The following KIF16B variants were observed in gnomAD, a reference collection of about 807,000 sequenced individuals.
KIF16B encodes the protein kinesin-like protein KIF16B.
A neutral mutation model predicts 156.3 loss-of-function variants in KIF16B; 98 were observed. The ratio of observed to expected loss-of-function variants is 0.63; its 90% CI spans 0.53 to 0.74. KIF16B has a LOEUF of 0.74. Ranked by LOEUF, KIF16B falls within the 30% of genes least tolerant of loss-of-function variation. The pLI, the probability that KIF16B is intolerant of heterozygous loss-of-function variation, is 0.00. For missense variants in KIF16B, 1,421 were observed against 1,606.5 expected (o/e 0.88, Z 1.97); for synonymous variants, 564 against 583.7 (o/e 0.97, Z 0.49).
chr20:16,308,141 G>A (rs1227506653), intron 25 of KIF16B, among the ~76,000 whole-genome samples: 1 of 152,164 alleles, frequency 6.6e-6, no homozygotes, highest in African/African-American at 2.4e-5. Flanking sequence ...CAGAGATTCA[G>A]AAACTTTTAT....
intron 12 of KIF16B, among the ~76,000 whole-genome samples, chr20:16,431,819 T>C (rs2066507552): frequency 1.3e-5 from 2 of 151,528 alleles, no homozygotes; most frequent in African/African-American, 4.9e-5. Flanking sequence ...ACCACCAATG[T>C]TCCTCATGGT....
intron 12 of KIF16B, among the ~76,000 whole-genome samples, chr20:16,447,597 G>A (rs1233615947): frequency 6.6e-6 from 1 of 151,848 alleles, no homozygotes; most frequent in Non-Finnish European, 1.5e-5. Context: ...AACAAAGTAA[G>A]ATCCTGTCTC....
chr20:16,515,709 T>G (rs1460952657), intron 3 of KIF16B, 45 bp from the exon 4 acceptor site: 7 of 1,053,116 alleles, frequency 6.6e-6, no homozygotes, highest in Middle Eastern at 2.0e-4. Flanking sequence ...TATCATAGAT[T>G]TTAATAATAG....
chr20:16,504,379 C>T lies in KIF16B; in HGVS notation c.1169G>A (p.Gly390Glu). ...ATCTCAGAAAAACCCAACCTGATTCCCTTGAGCAAGCAGCGTTTTCAGTCT... is the reference window on the plus strand; with the variant it reads ...ATCTCAGAAAAACCCAACCTGATTCTCTTGAGCAAGCAGCGTTTTCAGTCT... ...IARLKTLLAQ[G>E]NQIALLDSPT... Residue 390 changes from glycine to glutamate, a missense_variant, in exon 10 of 26, where the codon GGG (glycine) becomes GAG (glutamate). Physicochemically the swap from Gly to Glu is moderately conservative, Grantham distance 98. Coordinates refer to ENST00000354981, the MANE Select transcript of KIF16B (RefSeq NM_024704.5). 1 of 1,613,866 alleles carries T rather than the reference C, an allele frequency of 6.2e-7. No individual in the cohort carries two copies. Among genetic ancestry groups the T allele is most frequent in the Non-Finnish European group, 8.5e-7 (1 of 1,179,870 alleles).
chr20:16,334,322 A>C (rs1444851909), intron 24 of KIF16B, among the ~76,000 whole-genome samples: 1 of 152,258 alleles, frequency 6.6e-6, no homozygotes, highest in Non-Finnish European at 1.5e-5. Flanking sequence ...CTTTAAAAAC[A>C]AGCTGCTCTG....
At chr20:16,422,761 A>T (rs955740949) in intron 15 of KIF16B, among the ~76,000 whole-genome samples, 1 of 152,164 alleles carries the variant, frequency 6.6e-6, no homozygotes, top group Admixed American at 6.5e-5. Flanking sequence ...ATGATAATTC[A>T]AACACAAGAG....
At chr20:16,371,783 G>A (rs773248482) in intron 20 of KIF16B, 22 bp from the exon 21 acceptor site, 1 of 1,531,838 alleles carries the variant, frequency 6.5e-7, no homozygotes, top group Non-Finnish European at 9.0e-7. Flanking sequence ...TGGAGATGGA[G>A]TAGATCTGAC....
At chr20:16,428,111 G>A (rs1339387396) in intron 14 of KIF16B, among the ~76,000 whole-genome samples, 2 of 152,094 alleles carry the variant, frequency 1.3e-5, no homozygotes, top group African/African-American at 4.8e-5. Context: ...CCAAACATAG[G>A]TGAATCTGGG....
At chr20:16,291,440 T>C (rs1429636183) in intron 25 of KIF16B, among the ~76,000 whole-genome samples, 2 of 152,236 alleles carry the variant, frequency 1.3e-5, no homozygotes, top group Non-Finnish European at 2.9e-5. Context: ...AAACACCAAA[T>C]GAGCCTGAAA....
intron 17 of KIF16B, among the ~76,000 whole-genome samples, chr20:16,392,535 A>G (rs1276353377): frequency 6.6e-6 from 1 of 152,216 alleles, no homozygotes; most frequent in Non-Finnish European, 1.5e-5. Flanking sequence ...ATGACGATAC[A>G]CTGTTGAAGT....
At chr20:16,364,725 C>G (rs2064623717) in intron 22 of KIF16B, among the ~76,000 whole-genome samples, 1 of 152,228 alleles carries the variant, frequency 6.6e-6, no homozygotes, top group Admixed American at 6.5e-5. Flanking sequence ...ACAAAGTATG[C>G]TTAGGTGAGA....
At chr20:16,361,918 T>C (rs2064559285) in intron 22 of KIF16B, among the ~76,000 whole-genome samples, 1 of 152,220 alleles carries the variant, frequency 6.6e-6, no homozygotes, top group African/African-American at 2.4e-5. Context: ...ATTAAAAGTG[T>C]CACTATTTTT....
At chr20:16,285,270 T>G (rs913379440) in intron 25 of KIF16B, among the ~76,000 whole-genome samples, 4 of 152,192 alleles carry the variant, frequency 2.6e-5, no homozygotes, top group Non-Finnish European at 4.4e-5. Context: ...AATATTCCTG[T>G]TTTTAAAATT....
At chr20:16,280,650 C>A (rs758228731) in intron 25 of KIF16B, among the ~76,000 whole-genome samples, 6 of 152,152 alleles carry the variant, frequency 3.9e-5, no homozygotes, top group Non-Finnish European at 7.4e-5. Context: ...CTAAGGTCAA[C>A]AGGTCATAAG....
rs978036208 is a variant in KIF16B, at chr20:16,563,422, A to G, written c.47+9807T>C. ...CTAAAACACTATTACTTCTTTTCCC[A>G]GGCTACAGGTCTAAGTATAATTAAC... is the stretch of plus-strand genomic sequence containing the variant. On this transcript the variant is annotated intron_variant, in intron 1 of 25. Transcript: ENST00000354981. Among the ~76,000 whole-genome samples the G allele has an allele frequency of 2.0e-5, 3 of 152,360 alleles. No individual in the cohort carries two copies. The South Asian group carries it at 6.2e-4, about 32-fold the overall frequency.
intron 2 of KIF16B, 150 bp from the exon 3 acceptor site, chr20:16,526,355 C>T (rs1329951145): frequency 2.3e-6 from 1 of 425,566 alleles, no homozygotes; most frequent in African/African-American, 2.0e-5. Context: ...ATAAACTAAA[C>T]TCCTTGCAGC....
chr20:16,342,353 T>G (rs1410335042), intron 23 of KIF16B, among the ~76,000 whole-genome samples: 2 of 152,170 alleles, frequency 1.3e-5, no homozygotes, highest in Non-Finnish European at 2.9e-5. Flanking sequence ...GATACACATT[T>G]ACTGAGCTCC....
intron 12 of KIF16B, among the ~76,000 whole-genome samples, chr20:16,431,917 C>A (rs1165895515): frequency 6.7e-6 from 1 of 149,948 alleles, no homozygotes; most frequent in Non-Finnish European, 1.5e-5. Flanking sequence ...TACGTATACA[C>A]ACACACACAC....
intron 12 of KIF16B, among the ~76,000 whole-genome samples, chr20:16,493,271 A>G (rs2068352021): frequency 6.6e-6 from 1 of 152,218 alleles, no homozygotes; most frequent in South Asian, 2.1e-4. Flanking sequence ...ACACCTGGTC[A>G]AGCCAAGTTG....
Sources: allele counts gnomAD v4.1 joint callset (sites outside exome capture counted in the v4.1 genomes callset), GRCh38; gene constraint gnomAD v4.1.1; transcripts MANE v1.5; gene names NCBI Gene and HGNC (gene_info 2026-07-23, HGNC 2026-07-21).